The following SLC36A1 variants were observed in gnomAD, a reference collection of about 807,000 sequenced individuals.
The protein encoded by SLC36A1 is solute carrier family 36 member 1, also known as proton-coupled amino acid transporter 1.
In SLC36A1, 30 loss-of-function variants were observed where a neutral mutation model predicts 47.5. The observed-to-expected ratio is 0.63, with a 90% CI of 0.47 to 0.86. The LOEUF is 0.86. Ranked by LOEUF, SLC36A1 falls within the 40% of genes least tolerant of loss-of-function variation. SLC36A1 has a pLI of 0.00. For missense variants in SLC36A1, 517 were observed against 606.0 expected (o/e 0.85, Z 1.54); for synonymous variants, 255 against 249.7 (o/e 1.02, Z -0.20).
At chr5:151,433,235 TA>T (rs1759486344), upstream of SLC36A1, among the ~76,000 whole-genome samples, 16 of 8,366 alleles carry the variant, frequency 1.9e-3, no homozygotes, top group African/African-American at 5.0e-3. Context: ...TATATATATA[TA>T]TATATATATA....
At chr5:151,476,502 T>G in intron 8 of SLC36A1, 88 bp from the exon 9 acceptor site, 1 of 1,051,970 alleles carries the variant, frequency 9.5e-7, no homozygotes, top group South Asian at 1.9e-5. Flanking sequence ...GATAAAAGAG[T>G]TACTTTTTTT....
chr5:151,478,057 A>G (rs1269699161), intron 9 of SLC36A1, among the ~76,000 whole-genome samples: 3 of 152,188 alleles, frequency 2.0e-5, no homozygotes, highest in Non-Finnish European at 4.4e-5. Flanking sequence ...GATTTTTCCC[A>G]AGAGTTTTTA....
chr5:151,391,687 T>C, the SLC36A1 span, among the ~76,000 whole-genome samples: 1 of 152,226 alleles, frequency 6.6e-6, no homozygotes, highest in East Asian at 1.9e-4. Flanking sequence ...TGGTTCTGTT[T>C]ATTTGCTGGA....
chr5:151,365,998 A>C, the SLC36A1 span, among the ~76,000 whole-genome samples: 1 of 152,228 alleles, frequency 6.6e-6, no homozygotes, highest in Non-Finnish European at 1.5e-5. Context: ...GGTCCTGTTC[A>C]TGCCTCTTCT....
At chr5:151,367,373 T>TTTC in the SLC36A1 span, among the ~76,000 whole-genome samples, 1 of 129,884 alleles carries the variant, frequency 7.7e-6, no homozygotes, top group Non-Finnish European at 1.6e-5. Flanking sequence ...TTTTTTTTTT[T>TTTC]TCCCCAGGGT....
At chr5:151,542,956 T>C in the SLC36A1 span, 2 of 1,614,226 alleles carry the variant, frequency 1.2e-6, no homozygotes, top group Non-Finnish European at 8.5e-7. Context: ...CACTAGACTG[T>C]AGATGACTGG....
the SLC36A1 span, among the ~76,000 whole-genome samples, chr5:151,398,143 C>T: frequency 2.0e-5 from 3 of 152,040 alleles, no homozygotes; most frequent in Non-Finnish European, 4.4e-5. Flanking sequence ...CATGGACAGT[C>T]GTTGGATTAA....
At chr5:151,424,252 C>T in the SLC36A1 span, among the ~76,000 whole-genome samples, 1 of 152,150 alleles carries the variant, frequency 6.6e-6, no homozygotes, top group Admixed American at 6.5e-5. Flanking sequence ...TCCCAGTCAC[C>T]TCTAATATCA....
intron 7 of SLC36A1, among the ~76,000 whole-genome samples, chr5:151,468,920 G>A (rs1369124065): frequency 6.6e-6 from 1 of 152,052 alleles, no homozygotes; most frequent in Non-Finnish European, 1.5e-5. Context: ...CTTAACCCAT[G>A]CAGGCAAGTC....
chr5:151,388,291 C>T, the SLC36A1 span, among the ~76,000 whole-genome samples: 4 of 152,122 alleles, frequency 2.6e-5, no homozygotes, highest in East Asian at 1.9e-4. Flanking sequence ...CACCTGAGGT[C>T]GGGAATTCAA....
chr5:151,395,210 G>A, the SLC36A1 span, among the ~76,000 whole-genome samples: 6 of 152,336 alleles, frequency 3.9e-5, no homozygotes, highest in East Asian at 3.9e-4. Context: ...TGAGCCAGGC[G>A]CCGGATATAA....
chr5:151,507,156 A>G, the SLC36A1 span: 64 of 1,576,700 alleles, frequency 4.1e-5, no homozygotes, highest in Admixed American at 1.7e-4. Flanking sequence ...ATACTGACCC[A>G]TCTCCTCGCT....
the SLC36A1 span, among the ~76,000 whole-genome samples, chr5:151,500,517 G>A: frequency 0.024 from 3,686 of 152,200 alleles, 126 homozygotes; most frequent in African/African-American, 0.084. Flanking sequence ...ACAGGCACAC[G>A]CCACCATGCC....
At chr5:151,383,832 C>G in the SLC36A1 span, among the ~76,000 whole-genome samples, 1 of 152,160 alleles carries the variant, frequency 6.6e-6, no homozygotes, top group Non-Finnish European at 1.5e-5. Flanking sequence ...CTCGGCCTCC[C>G]AAGGTGCTGA....
the SLC36A1 span, among the ~76,000 whole-genome samples, chr5:151,531,018 T>C: frequency 6.6e-6 from 1 of 152,328 alleles, no homozygotes; most frequent in East Asian, 1.9e-4. This position sits in a 1 kb window ranked among gnomAD's most constrained non-coding sequence, Gnocchi z 5.7. Context: ...CAGGCTGACC[T>C]GGGTGGCCTC....
chr5:151,487,919 A>G, intron 10 of SLC36A1, 64 bp from the exon 11 acceptor site: 1 of 1,577,948 alleles, frequency 6.3e-7, no homozygotes, highest in South Asian at 1.1e-5. Flanking sequence ...TTCGCTCAAC[A>G]GTAGGGAGAC....
At chr5:151,487,445 A>C (rs1004091695) in intron 10 of SLC36A1, among the ~76,000 whole-genome samples, 2 of 152,212 alleles carry the variant, frequency 1.3e-5, no homozygotes, top group African/African-American at 4.8e-5. Flanking sequence ...CAGCCTGCAG[A>C]TAGAACTGCT....
At position 151,472,805 on chromosome 5, in the gene SLC36A1, T is replaced by A. The variant is rs181781113; in HGVS notation, c.724-868T>A. On this transcript the variant is annotated intron_variant, in intron 7 of 10. Transcript: ENST00000243389. The stretch of plus-strand genomic sequence containing the variant: ...GTGAATATATAAATTAAAATTAAAA[T>A]TTTTTCTCACTAATATTTCGTAAGT... Among the ~76,000 whole-genome samples the A allele has an allele frequency of 1.1e-3, 168 of 152,330 alleles. 1 individual carries two copies. The highest frequency in any genetic ancestry group is 8.0e-3 in the Admixed American group (123 of 15,302).
the SLC36A1 span, chr5:151,537,691 G>A: frequency 8.7e-7 from 1 of 1,155,760 alleles, no homozygotes; most frequent in South Asian, 1.6e-5. Flanking sequence ...GCTGATAGAT[G>A]AGTGAATTCC....
Sources: allele counts gnomAD v4.1 joint callset (sites outside exome capture counted in the v4.1 genomes callset), GRCh38; gene constraint gnomAD v4.1.1; non-coding constraint Gnocchi (gnomAD v3.1); transcripts MANE v1.5; gene names NCBI Gene and HGNC (gene_info 2026-07-23, HGNC 2026-07-21).